DST: variants seen among roughly 807,000 people sequenced by gnomAD.
The protein encoded by DST is dystonin, also known as bullous pemphigoid antigen.
In DST, 253 loss-of-function variants were observed where a neutral mutation model predicts 875.2. That is an observed-to-expected ratio of 0.29 (90% CI 0.26 to 0.32). The LOEUF (loss-of-function observed/expected upper bound fraction) is 0.32, where lower values mean the gene tolerates loss of function less well. Ranked by LOEUF, DST falls within the 10% of genes least tolerant of loss-of-function variation. DST has a pLI of 1.00. For missense variants in DST, 8,287 were observed against 9,111.6 expected (o/e 0.91, Z 3.68); for synonymous variants, 3,124 against 3,197.1 (o/e 0.98, Z 0.77).
At chr6:56,805,445 A>G (rs2153027745) in intron 4 of DST, among the ~76,000 whole-genome samples, 1 of 152,316 alleles carries the variant, frequency 6.6e-6, no homozygotes, top group South Asian at 2.1e-4. Context: ...CAGTAGTTAT[A>G]CCAGCTCTTA....
intron 4 of DST, among the ~76,000 whole-genome samples, chr6:56,762,018 T>G (rs1244499518): frequency 7.0e-6 from 1 of 141,966 alleles, no homozygotes; most frequent in Non-Finnish European, 1.5e-5. Context: ...TAAACAAGAC[T>G]CCAGAAATGT....
intron 49 of DST, among the ~76,000 whole-genome samples, chr6:56,581,860 C>T (rs1055085899): frequency 6.6e-6 from 1 of 152,210 alleles, no homozygotes; most frequent in African/African-American, 2.4e-5. Context: ...CTCATCATCT[C>T]ATTCTCTGTA....
intron 69 of DST, among the ~76,000 whole-genome samples, chr6:56,522,485 A>G (rs971592342): frequency 2.6e-5 from 4 of 152,140 alleles, no homozygotes; most frequent in Admixed American, 1.3e-4. Context: ...CTTTCTTTTG[A>G]TTAGCATTTC....
At chr6:56,749,367 A>G (rs1446057734) in intron 4 of DST, among the ~76,000 whole-genome samples, 2 of 152,164 alleles carry the variant, frequency 1.3e-5, no homozygotes, top group East Asian at 3.9e-4. Context: ...AAAATAAAAA[A>G]TAAGAGCTTG....
In DST at chr6:56,477,374, T is replaced by A; in HGVS notation, c.21646A>T (p.Ile7216Leu). The A allele has an allele frequency of 6.2e-7, 1 of 1,613,996 alleles. No homozygotes were observed. Among genetic ancestry groups the A allele is most frequent in the Non-Finnish European group, 8.5e-7 (1 of 1,179,874 alleles). ...TCAAACCTCGCCCGGATGATTGTTA[T>A]CCAGTGCTTAATGGTAGTGATGGAG... ...PDSITTIKHW[I>L]TIIRARFEEV... Residue 7216 changes from isoleucine to leucine, a missense_variant, in exon 91 of 104, where the codon ATA becomes TTA. Transcript: ENST00000680361.
intron 9 of DST, among the ~76,000 whole-genome samples, chr6:56,684,984 C>T (rs947575473): frequency 7.7e-6 from 1 of 130,422 alleles, no homozygotes; most frequent in African/African-American, 2.8e-5. Flanking sequence ...ACCAACAGCC[C>T]CCACCCACCC....
At chr6:56,601,101 T>C (rs2098441937) in intron 44 of DST, among the ~76,000 whole-genome samples, 1 of 151,992 alleles carries the variant, frequency 6.6e-6, no homozygotes, top group African/African-American at 2.4e-5. Flanking sequence ...GCTGTATTGG[T>C]TCCCAGAGGA....
chr6:56,756,183 G>C (rs773688795), intron 4 of DST, among the ~76,000 whole-genome samples: 1 of 152,102 alleles, frequency 6.6e-6, no homozygotes. Context: ...ATCTGGTACC[G>C]TGTAAAGGAG....
intron 4 of DST, among the ~76,000 whole-genome samples, chr6:56,770,354 G>A (rs1391327853): frequency 6.6e-6 from 1 of 152,094 alleles, no homozygotes; most frequent in Admixed American, 6.5e-5. Context: ...TATAATTTTT[G>A]GACCTAATGT....
chr6:56,597,753 T>G lies in DST; in HGVS notation c.12182A>C (p.Tyr4061Ser). The change falls in exon 47 of 104, where the codon TAT becomes TCT. Residue 4061 changes from tyrosine to serine, a missense_variant. Physicochemically the swap from Tyr to Ser is moderately radical, Grantham distance 144. Coordinates refer to ENST00000680361, the MANE Select transcript of DST (RefSeq NM_001374736.1). ...GTTQENLNQQYQKVKAQHEKI... is the reference protein window; with the variant it reads ...GTTQENLNQQSQKVKAQHEKI... The stretch of plus-strand genomic sequence containing the variant: ...ATAACAACACACCTTAACTTTCTGA[T>G]ATTGCTGATTCAGATTCTCCTGAGT... The G allele has an allele frequency of 6.2e-7, 1 of 1,613,544 alleles. No individual in the cohort carries two copies. Among genetic ancestry groups the G allele is most frequent in the Non-Finnish European group, 8.5e-7 (1 of 1,179,536 alleles).
intron 9 of DST, among the ~76,000 whole-genome samples, chr6:56,689,204 T>A (rs1246757519): frequency 6.6e-6 from 1 of 152,112 alleles, no homozygotes; most frequent in African/African-American, 2.4e-5. Context: ...ACTCAACAAA[T>A]AGCATTATTA....
At chr6:56,688,432 T>C (rs1485398008) in intron 9 of DST, among the ~76,000 whole-genome samples, 2 of 152,230 alleles carry the variant, frequency 1.3e-5, no homozygotes, top group Admixed American at 6.5e-5. Context: ...CATTCTGAGA[T>C]AGCTCTTAAT....
rs1378556873 is a variant in DST, at chr6:56,535,134, T to G, written c.16929A>C (p.Ile5643=). Residue 5643 remains isoleucine (I), a synonymous_variant, in exon 63 of 104, where the codon ATA becomes ATC. Transcript: ENST00000680361. ...ATGACTAACTTACCTTTTGTTCTTG[T>G]ATCTGGGCCTTTACCACTTTGAACT... ...SAEFKVVKAQ[I]QEQKLLQRLL... is the part of the protein sequence containing the mutation. 2 of 1,613,588 alleles carry G rather than the reference T, an allele frequency of 1.2e-6. No homozygotes were observed. The highest frequency in any genetic ancestry group is 1.7e-6 in the Non-Finnish European group (2 of 1,179,794).
rs780350498 is a variant in DST, at chr6:56,501,243, A to G, written c.19741-8T>C. On this transcript the variant is annotated splice_region_variant and splice_polypyrimidine_tract_variant and intron_variant, in intron 79 of 103. Coordinates refer to ENST00000680361, the MANE Select transcript of DST (RefSeq NM_001374736.1). The stretch of plus-strand genomic sequence containing the variant: ...AGCACCCTCCAGTTTATGCTACAGA[A>G]AAAGTGGAAAGAAAATCCATTTATA... 3 of 1,571,858 alleles carry G rather than the reference A, an allele frequency of 1.9e-6. No homozygotes were observed. In the African/African-American group the frequency reaches 4.2e-5, roughly 22 times the overall value.
chr6:56,601,843 GATAA>G (rs2098449015), intron 43 of DST, among the ~76,000 whole-genome samples, 167 bp from the exon 44 acceptor site: 2 of 151,666 alleles, frequency 1.3e-5, no homozygotes, highest in Admixed American at 6.6e-5. Flanking sequence ...AGTAATAAAT[GATAA>G]ATTAATTATT....
intron 5 of DST, among the ~76,000 whole-genome samples, chr6:56,706,550 T>C (rs1191518224): frequency 6.6e-6 from 1 of 152,208 alleles, no homozygotes; most frequent in Non-Finnish European, 1.5e-5. Context: ...TGAGTACTAA[T>C]ACTGCAATTT....
chr6:56,927,456 G>A (rs558822802), intron 2 of DST, among the ~76,000 whole-genome samples: 2 of 152,138 alleles, frequency 1.3e-5, no homozygotes, highest in East Asian at 3.9e-4. Flanking sequence ...CCCTGAAAGA[G>A]AAAAATTAAG....
chr6:56,636,394 GTA>G (rs959569922), intron 23 of DST, among the ~76,000 whole-genome samples, 161 bp downstream of exon 23: 1 of 148,292 alleles, frequency 6.7e-6, no homozygotes, highest in African/African-American at 2.5e-5. Context: ...ATGTGTATAC[GTA>G]TGTGTGTATA....
At position 56,625,192 on chromosome 6, in the gene DST, T is replaced by C; in HGVS notation, c.4795A>G (p.Arg1599Gly). Residue 1599 changes from arginine (R) to glycine (G), a missense_variant, in exon 35 of 104, where the codon AGA (arginine) becomes GGA (glycine). By Grantham distance (125) the Arg-to-Gly change is moderately radical. Around this residue, in one of 10 missense-constraint regions of DST, gnomAD observed 3,138 missense variants for 3,116.6 expected, o/e 1.01. Transcript: ENST00000680361. ...SQQKSPVKRR[R>G]MQSSADLIIQ... ...ATGAGATCTGCTGAACTCTGCATTC[T>C]TCGGCGTTTCACTGGAGATTTTTGT... 1 of 1,613,542 alleles carries C rather than the reference T, an allele frequency of 6.2e-7. No individual in the cohort carries two copies. The highest frequency in any genetic ancestry group is 8.5e-7 in the Non-Finnish European group (1 of 1,179,516).
Sources: gnomAD v4.1 joint callset for allele counts (sites outside exome capture counted in the v4.1 genomes callset) on GRCh38, gnomAD v4.1.1 for gene constraint, gnomAD v4.1.1 regional missense constraint, MANE v1.5 for transcripts, NCBI Gene and HGNC (gene_info 2026-07-23, HGNC 2026-07-21) for gene names.